Variants in CYTH4 observed in about 807,000 individuals in gnomAD.
CYTH4 encodes cytohesin-4.
In CYTH4, 22 loss-of-function variants were observed where a neutral mutation model predicts 57.5. The observed-to-expected ratio is 0.38, with a 90% CI of 0.27 to 0.55. The LOEUF (loss-of-function observed/expected upper bound fraction) is 0.55, where lower values mean the gene tolerates loss of function less well. CYTH4 is among the 20% of genes least tolerant of loss of function. The pLI is 0.74. For synonymous variants in CYTH4, 186 were observed against 206.5 expected (o/e 0.90, Z 0.85); for missense variants, 420 against 535.6 (o/e 0.78, Z 2.13).
chr22:37,296,216 T>A, intron 4 of CYTH4, 151 bp downstream of exon 4: 1 of 796,028 alleles, frequency 1.3e-6, no homozygotes, highest in Non-Finnish European at 2.0e-6. Context: ...CAGTGCCCCA[T>A]GGCCAGCTGT....
At chr22:37,301,089 C>T in intron 7 of CYTH4, 70 bp downstream of exon 7, 2 of 1,378,200 alleles carry the variant, frequency 1.5e-6, no homozygotes, top group Non-Finnish European at 1.0e-6. Flanking sequence ...ATTTCACAGA[C>T]CCCCTCAGGT....
At chr22:37,285,437 G>A (rs1165495739) in intron 1 of CYTH4, among the ~76,000 whole-genome samples, 1 of 152,160 alleles carries the variant, frequency 6.6e-6, no homozygotes, top group Non-Finnish European at 1.5e-5. Context: ...CAGGCATGGT[G>A]GCTCACATCT....
At chr22:37,282,665 G>C (rs1928408006) in intron 1 of CYTH4, 77 bp downstream of exon 1, 5 of 1,299,030 alleles carry the variant, frequency 3.8e-6, no homozygotes, top group Admixed American at 2.6e-5. Context: ...TGCCTCACAG[G>C]GTCCTAGATA....
rs145053771 is a variant in CYTH4, at chr22:37,309,277, T to A, written c.762T>A (p.Thr254=). Residue 254 remains threonine, a synonymous_variant, in exon 9 of 13, where the codon ACT becomes ACA. Coordinates refer to ENST00000248901, the MANE Select transcript of CYTH4 (RefSeq NM_013385.5). ...SIPEDDGNDL[T]HTFFNPDREG... is the part of the protein sequence containing the mutation. Reference sequence around the variant, plus strand: ...CTGAGGACGACGGCAATGACCTCACTCACACCTTCTTCAATCCAGACCGGG... The same window carrying A: ...CTGAGGACGACGGCAATGACCTCACACACACCTTCTTCAATCCAGACCGGG... 6 of 1,613,964 alleles carry A rather than the reference T, an allele frequency of 3.7e-6. No individual in the cohort carries two copies. The South Asian group carries it at 5.5e-5, about 15-fold the overall frequency.
chr22:37,309,131 G>C, intron 8 of CYTH4, 81 bp from the exon 9 acceptor site: 1 of 1,260,262 alleles, frequency 7.9e-7, no homozygotes, highest in Non-Finnish European at 1.1e-6. Context: ...CCTGCTCAAG[G>C]CCACACAGGC....
Position 37,294,654 on chromosome 22 carries a change from C to T in CYTH4, c.103-6C>T, listed in dbSNP as rs767068191. 2 of 1,613,696 alleles carry T rather than the reference C, an allele frequency of 1.2e-6. No homozygotes were observed. The highest frequency in any genetic ancestry group is 1.7e-6 in the Non-Finnish European group (2 of 1,179,760). On this transcript the variant is annotated splice_region_variant and splice_polypyrimidine_tract_variant and intron_variant, in intron 2 of 12. Transcript: ENST00000248901. ...CTCTCCCTGTCCTGCCCCTGCCACC[C>T]CACAGAAGCTGAAGGATGAGATTGC...
At chr22:37,299,372 G>C (rs549759210) in intron 6 of CYTH4, 66 bp downstream of exon 6, 1 of 1,369,038 alleles carries the variant, frequency 7.3e-7, no homozygotes, top group African/African-American at 1.4e-5. Context: ...TGGGGGTGTC[G>C]CGATCCACAT....
At chr22:37,286,456 C>T (rs971087341) in intron 1 of CYTH4, among the ~76,000 whole-genome samples, 1 of 152,114 alleles carries the variant, frequency 6.6e-6, no homozygotes, top group Non-Finnish European at 1.5e-5. Context: ...GGGCCTGGCG[C>T]ACCATGGGTG....
rs759221268 is a variant in CYTH4 at position 37,295,391 on chromosome 22, C to CGCATGCACACACACACAA, written c.168-557_168-540dup. ...CACCACACACATGCACACACACACA[C>CGCATGCACACACACACAA]GCATGCACACACACACAAGCATGCA... On this transcript the variant is annotated intron_variant, in intron 3 of 12. Coordinates refer to ENST00000248901, the MANE Select transcript of CYTH4 (RefSeq NM_013385.5). The surrounding 1 kb of genome is among the most constrained non-coding windows in gnomAD (Gnocchi z 4.1). Among the ~76,000 whole-genome samples, 12 of 149,936 alleles carry CGCATGCACACACACACAA rather than the reference C, an allele frequency of 8.0e-5. No individual in the cohort carries two copies. Among genetic ancestry groups the CGCATGCACACACACACAA allele is most frequent in the East Asian group, 3.9e-4 (2 of 5,166 alleles).
At chr22:37,308,463 AGTGT>A (rs138404779) in intron 8 of CYTH4, among the ~76,000 whole-genome samples, 19 of 129,224 alleles carry the variant, frequency 1.5e-4, no homozygotes, top group Non-Finnish European at 2.2e-4. Flanking sequence ...CATGTATATA[AGTGT>A]GTGTGTATGT....
At chr22:37,301,322 A>G (rs1011848438) in intron 7 of CYTH4, among the ~76,000 whole-genome samples, 3 of 152,142 alleles carry the variant, frequency 2.0e-5, no homozygotes, top group Admixed American at 6.5e-5. Flanking sequence ...GGCTTCTCAG[A>G]GGCGGTGAGG....
In CYTH4 at chr22:37,309,239, C is replaced by A; in HGVS notation, c.724C>A (p.Pro242Thr). The A allele has an allele frequency of 2.5e-6, 4 of 1,614,090 alleles. No individual in the cohort carries two copies. The highest frequency in any genetic ancestry group is 3.4e-6 in the Non-Finnish European group (4 of 1,179,952). ...CCTCTTCGACAGCATCAAGAGTGAG[C>A]CATTCTCCATCCCTGAGGACGACGG... is the stretch of plus-strand genomic sequence containing the variant. ...RNLFDSIKSE[P>T]FSIPEDDGND... The change falls in exon 9 of 13, where the codon CCA (proline) becomes ACA (threonine). Residue 242 changes from proline to threonine, a missense_variant. Pro to Thr is a conservative substitution (Grantham distance 38, BLOSUM62 -1). Coordinates refer to ENST00000248901, the MANE Select transcript of CYTH4 (RefSeq NM_013385.5).
chr22:37,296,264 T>C (rs112604721), intron 4 of CYTH4, 199 bp downstream of exon 4: 54 of 610,384 alleles, frequency 8.8e-5, no homozygotes, highest in Middle Eastern at 8.8e-4. Context: ...ATACACGCCT[T>C]GGGGCAGGAG....
chr22:37,297,305 G>A (rs775723398), intron 4 of CYTH4, among the ~76,000 whole-genome samples: 2 of 152,080 alleles, frequency 1.3e-5, no homozygotes, highest in Non-Finnish European at 2.9e-5. Context: ...AGACTGAGGG[G>A]GACCCTGGGG....
At chr22:37,310,090 C>A in intron 9 of CYTH4, 1 of 450,860 alleles carries the variant, frequency 2.2e-6, no homozygotes. Flanking sequence ...CCTCCAGCAA[C>A]ATTGAGCCTC....
intron 1 of CYTH4, among the ~76,000 whole-genome samples, chr22:37,284,221 G>A (rs1008498736): frequency 6.6e-6 from 1 of 152,160 alleles, no homozygotes; most frequent in African/African-American, 2.4e-5. Flanking sequence ...TCGAGTAGTT[G>A]GTCTTTTCAT....
At chr22:37,310,898 G>A (rs1043842647) in intron 9 of CYTH4, 90 bp from the exon 10 acceptor site, 33 of 1,418,274 alleles carry the variant, frequency 2.3e-5, no homozygotes, top group Non-Finnish European at 2.9e-5. Context: ...GGGGTCCAGG[G>A]GAAAGCATCC....
chr22:37,312,032 C>A lies in CYTH4; in HGVS notation c.970C>A (p.Leu324Ile). The A allele has an allele frequency of 6.2e-7, 1 of 1,614,006 alleles. No individual in the cohort carries two copies. The highest frequency in any genetic ancestry group is 8.5e-7 in the Non-Finnish European group (1 of 1,179,952). Reference protein sequence around the residue: ...DDPKKPFCLELYNPSCRGQKI... With the variant: ...DDPKKPFCLEIYNPSCRGQKI... The stretch of plus-strand genomic sequence containing the variant: ...CACCTCCCCACAGTTCTGCCTGGAG[C>A]TCTACAACCCTAGCTGCCGAGGCCA... The change falls in exon 12 of 13, where the codon CTC (leucine) becomes ATC (isoleucine). Residue 324 changes from leucine to isoleucine, a missense_variant. By Grantham distance (5) the Leu-to-Ile change is conservative. Transcript: ENST00000248901.
intron 1 of CYTH4, among the ~76,000 whole-genome samples, chr22:37,285,088 C>G (rs1057511967): frequency 2.6e-5 from 4 of 152,176 alleles, no homozygotes; most frequent in African/African-American, 9.7e-5. Context: ...TATTTAGGGC[C>G]CTGAGATGGC....
Sources: allele counts gnomAD v4.1 joint callset (sites outside exome capture counted in the v4.1 genomes callset), GRCh38; gene constraint gnomAD v4.1.1; non-coding constraint Gnocchi (gnomAD v3.1); transcripts MANE v1.5; gene names NCBI Gene and HGNC (gene_info 2026-07-23, HGNC 2026-07-21).